Variants in ROR1 observed in about 807,000 individuals in gnomAD.
The protein encoded by ROR1 is ROR family WNT receptor 1, also known as inactive tyrosine-protein kinase transmembrane receptor ROR1.
In ROR1, 19 loss-of-function variants were observed where a neutral mutation model predicts 78.8. The observed-to-expected ratio is 0.24, with a 90% CI of 0.17 to 0.35. The LOEUF (loss-of-function observed/expected upper bound fraction) is 0.35, where lower values mean the gene tolerates loss of function less well. Among genes scored for constraint, ROR1 ranks in the 10% least tolerant of loss-of-function variants. ROR1 has a pLI of 1.00. For missense variants in ROR1, 917 were observed against 1,177.8 expected (o/e 0.78, Z 3.24); for synonymous variants, 386 against 433.6 (o/e 0.89, Z 1.36).
chr1:64,119,078 G>A (rs1648428934), intron 4 of ROR1, among the ~76,000 whole-genome samples: 1 of 152,142 alleles, frequency 6.6e-6, no homozygotes, highest in Non-Finnish European at 1.5e-5. Flanking sequence ...GGGTTGCCTT[G>A]TTTTTCTTGC....
At chr1:64,073,537 A>G (rs767006352) in intron 4 of ROR1, among the ~76,000 whole-genome samples, 1 of 152,064 alleles carries the variant, frequency 6.6e-6, no homozygotes, top group Non-Finnish European at 1.5e-5. Context: ...TCTTCCCCTG[A>G]GAGTTTCCAC....
chr1:63,886,495 C>T (rs926198210), intron 1 of ROR1, among the ~76,000 whole-genome samples: 1 of 152,026 alleles, frequency 6.6e-6, no homozygotes, highest in Non-Finnish European at 1.5e-5. Context: ...TCTGTGGCAC[C>T]CGGTAATTTA....
chr1:64,100,188 T>TA (rs993861241), intron 4 of ROR1, among the ~76,000 whole-genome samples: 15 of 151,482 alleles, frequency 9.9e-5, no homozygotes, highest in African/African-American at 3.4e-4. Context: ...GTATTTTTTT[T>TA]AAAAAAAAGT....
chr1:64,055,604 G>A (rs2100598667), intron 4 of ROR1, among the ~76,000 whole-genome samples: 1 of 152,328 alleles, frequency 6.6e-6, no homozygotes. Flanking sequence ...GATCCCAAGA[G>A]GCAAAGGGTT....
intron 1 of ROR1, among the ~76,000 whole-genome samples, chr1:63,859,214 T>G (rs1569828356): frequency 6.6e-6 from 1 of 151,860 alleles, no homozygotes; most frequent in Non-Finnish European, 1.5e-5. Flanking sequence ...TGGCTGGGGG[T>G]TTTGGTGTTG....
At chr1:64,166,016 T>C (rs1650076389) in intron 8 of ROR1, among the ~76,000 whole-genome samples, 2 of 152,178 alleles carry the variant, frequency 1.3e-5, no homozygotes, top group Admixed American at 1.3e-4. Flanking sequence ...ATTTAAGTCT[T>C]TCATCCATCT....
intron 4 of ROR1, among the ~76,000 whole-genome samples, chr1:64,052,174 A>T (rs941086559): frequency 6.7e-6 from 1 of 148,282 alleles, no homozygotes; most frequent in Non-Finnish European, 1.5e-5. Flanking sequence ...GCATTTCTTG[A>T]TGCTAATCTG....
rs536128328 is a variant in ROR1 at position 64,161,700 on chromosome 1, T to C, written c.1386+2508T>C. 6.6e-5 allele frequency among the ~76,000 whole-genome samples: 10 copies of C among 152,364 alleles called. No individual in the cohort carries two copies. The East Asian group carries it at 1.9e-3, about 29-fold the overall frequency. Reference sequence around the variant, plus strand: ...TGCTAAATCTCCCAGTGTCAAGATTTGTCCACTATGAGGCTTAGAGCTTAG... The same window carrying C: ...TGCTAAATCTCCCAGTGTCAAGATTCGTCCACTATGAGGCTTAGAGCTTAG... On this transcript the variant is annotated intron_variant, in intron 8 of 8. Transcript: ENST00000371079.
intron 4 of ROR1, among the ~76,000 whole-genome samples, chr1:64,083,158 G>C (rs1042009225): frequency 2.0e-5 from 3 of 152,136 alleles, no homozygotes; most frequent in African/African-American, 7.2e-5. Flanking sequence ...TTGTAATTGG[G>C]AAGAGAATTC....
intron 4 of ROR1, among the ~76,000 whole-genome samples, chr1:64,094,122 G>A (rs755737146): frequency 1.1e-4 from 17 of 152,252 alleles, no homozygotes; most frequent in Non-Finnish European, 2.2e-4. Flanking sequence ...GACTCAAAAA[G>A]TCTGACTCAT....
chr1:64,151,952 T>G (rs997506772), intron 7 of ROR1, among the ~76,000 whole-genome samples: 1 of 151,696 alleles, frequency 6.6e-6, no homozygotes, highest in Non-Finnish European at 1.5e-5. Context: ...TCAGAGAACC[T>G]TGGGAGCAAC....
At chr1:63,852,412 C>T (rs1395531264) in intron 1 of ROR1, among the ~76,000 whole-genome samples, 1 of 152,230 alleles carries the variant, frequency 6.6e-6, no homozygotes, top group Non-Finnish European at 1.5e-5. Flanking sequence ...CCCTCTTTCG[C>T]ACAACAGCCT....
At chr1:64,080,874 C>A (rs561597383) in intron 4 of ROR1, among the ~76,000 whole-genome samples, 1 of 152,144 alleles carries the variant, frequency 6.6e-6, no homozygotes, top group Non-Finnish European at 1.5e-5. Flanking sequence ...AAGACCAAGA[C>A]GGTGGTATGA....
At chr1:64,014,713 C>CTATATATATATATATATATATATATA (rs112423773) in intron 2 of ROR1, among the ~76,000 whole-genome samples, 6 of 29,306 alleles carry the variant, frequency 2.0e-4, no homozygotes, top group South Asian at 2.2e-3. Flanking sequence ...TGCTGACAGA[C>CTATATATATATATATATATATATATA]TATATATATA....
intron 7 of ROR1, among the ~76,000 whole-genome samples, chr1:64,144,578 G>A (rs1649425748): frequency 1.3e-5 from 2 of 152,180 alleles, no homozygotes; most frequent in Admixed American, 1.3e-4. Flanking sequence ...CCTTACCTCT[G>A]TCACCTCATT....
intron 1 of ROR1, among the ~76,000 whole-genome samples, chr1:63,957,688 T>C (rs1402627898): frequency 6.6e-6 from 1 of 152,182 alleles, no homozygotes. Context: ...TTTGTCTACA[T>C]AGTGTTTTGT....
intron 1 of ROR1, among the ~76,000 whole-genome samples, chr1:63,994,403 C>T (rs1364593515): frequency 6.6e-6 from 1 of 152,120 alleles, no homozygotes; most frequent in Non-Finnish European, 1.5e-5. Flanking sequence ...ATAACTCTCA[C>T]GTGCTTAGCC....
intron 8 of ROR1, among the ~76,000 whole-genome samples, chr1:64,169,339 C>A (rs1650175489): frequency 6.6e-6 from 1 of 152,120 alleles, no homozygotes; most frequent in Admixed American, 6.5e-5. Flanking sequence ...ACAATCATGG[C>A]AGAAGGCAAG....
intron 1 of ROR1, among the ~76,000 whole-genome samples, chr1:63,955,912 G>A (rs969865715): frequency 6.6e-5 from 10 of 152,160 alleles, no homozygotes; most frequent in Admixed American, 2.6e-4. Flanking sequence ...GCCTTTGTGC[G>A]TGACCCATAA....
Sources: gnomAD v4.1 joint callset for allele counts (sites outside exome capture counted in the v4.1 genomes callset) on GRCh38, gnomAD v4.1.1 for gene constraint, MANE v1.5 for transcripts, NCBI Gene and HGNC (gene_info 2026-07-23, HGNC 2026-07-21) for gene names.